The following CDH10 variants were observed in gnomAD, a reference collection of about 807,000 sequenced individuals.
CDH10 encodes cadherin 10, also known as cadherin-10.
CDH10 carries 30 observed loss-of-function variants against 73.1 expected under a neutral mutation model. The observed-to-expected ratio is 0.41, with a 90% confidence interval of 0.31 to 0.56. The LOEUF is 0.56. Among genes scored for constraint, CDH10 ranks in the 20% least tolerant of loss-of-function variants. The probability of loss-of-function intolerance (pLI) is 0.27; values close to 1 mark genes in which losing one functional copy is unlikely to be tolerated. For missense variants in CDH10, 815 were observed against 973.7 expected, an observed-to-expected ratio of 0.84 and a Z score of 2.17; for synonymous variants, 345 against 348.2, an observed-to-expected ratio of 0.99 and a Z score of 0.10.
chr5:24,607,888 A>C (rs570620363), intron 1 of CDH10, among the ~76,000 whole-genome samples: 1 of 152,274 alleles, frequency 6.6e-6, no homozygotes, highest in African/African-American at 2.4e-5. Flanking sequence ...AAACATTATT[A>C]ACTAAGTATT....
chr5:24,498,024 T>C (rs779375928), intron 9 of CDH10, among the ~76,000 whole-genome samples: 4 of 152,188 alleles, frequency 2.6e-5, no homozygotes, highest in Non-Finnish European at 5.9e-5. Context: ...TCTCTTGTTT[T>C]CCACAGCATT....
intron 1 of CDH10, among the ~76,000 whole-genome samples, chr5:24,596,619 G>T (rs919610259): frequency 2.6e-5 from 4 of 151,938 alleles, no homozygotes; most frequent in African/African-American, 9.6e-5. Context: ...TTCAATATCC[G>T]AAACCAGATA....
intron 1 of CDH10, among the ~76,000 whole-genome samples, chr5:24,601,294 T>A (rs1746554574): frequency 6.6e-6 from 1 of 152,114 alleles, no homozygotes. Context: ...AAGGAAACAG[T>A]TTAAGAGTAA....
At chr5:24,633,715 G>C (rs1020164306) in intron 1 of CDH10, among the ~76,000 whole-genome samples, 1 of 151,782 alleles carries the variant, frequency 6.6e-6, no homozygotes, top group African/African-American at 2.4e-5. Flanking sequence ...TGCAGATTTT[G>C]TAAAACATTT....
chr5:24,582,653 G>A (rs1231689498), intron 2 of CDH10, among the ~76,000 whole-genome samples: 1 of 151,962 alleles, frequency 6.6e-6, no homozygotes, highest in East Asian at 1.9e-4. Flanking sequence ...AAACATAAAG[G>A]TCAATTAATA....
intron 2 of CDH10, among the ~76,000 whole-genome samples, chr5:24,554,515 T>TCAC (rs1561159613): frequency 1.3e-4 from 19 of 145,462 alleles, no homozygotes; most frequent in Admixed American, 9.7e-4. Flanking sequence ...TGTGTGTGTG[T>TCAC]GTGTGCACGT....
chr5:24,620,695 G>A (rs1389308535), intron 1 of CDH10, among the ~76,000 whole-genome samples: 1 of 152,072 alleles, frequency 6.6e-6, no homozygotes, highest in Non-Finnish European at 1.5e-5. Context: ...GAATATGCCA[G>A]TTGTATACTA....
At chr5:24,536,854 A>C (rs1014166735) in intron 3 of CDH10, among the ~76,000 whole-genome samples, 6 of 151,948 alleles carry the variant, frequency 3.9e-5, no homozygotes, top group Non-Finnish European at 8.8e-5. Context: ...GTTGAAAGAT[A>C]CCAGCAGAGT....
chr5:24,518,653 C>T (rs145053101), intron 5 of CDH10, among the ~76,000 whole-genome samples: 26 of 152,108 alleles, frequency 1.7e-4, no homozygotes, highest in African/African-American at 6.3e-4. Context: ...GGTTTCCCTG[C>T]CTCCAAGATC....
chr5:24,548,589 T>C (rs1744431403), intron 2 of CDH10, among the ~76,000 whole-genome samples: 2 of 151,916 alleles, frequency 1.3e-5, no homozygotes, highest in Non-Finnish European at 2.9e-5. Context: ...ATTTGTTTAC[T>C]GATTATAAAT....
At chr5:24,584,828 T>C (rs1745934784) in intron 2 of CDH10, among the ~76,000 whole-genome samples, 1 of 151,428 alleles carries the variant, frequency 6.6e-6, no homozygotes, top group Non-Finnish European at 1.5e-5. Flanking sequence ...TGTCTAGTTG[T>C]TCATCATTTC....
intron 2 of CDH10, among the ~76,000 whole-genome samples, chr5:24,546,953 G>A (rs899970039): frequency 1.3e-4 from 20 of 152,130 alleles, no homozygotes; most frequent in African/African-American, 4.6e-4. Flanking sequence ...AGAGCCAGAA[G>A]TTCATAATGA....
At chr5:24,569,377 A>G (rs771925947) in intron 2 of CDH10, among the ~76,000 whole-genome samples, 21 of 152,220 alleles carry the variant, frequency 1.4e-4, no homozygotes, top group Non-Finnish European at 2.8e-4. Context: ...AAAAGTACAT[A>G]TTATGCTGTG....
At chr5:24,609,102 C>T (rs1746857669) in intron 1 of CDH10, among the ~76,000 whole-genome samples, 1 of 152,134 alleles carries the variant, frequency 6.6e-6, no homozygotes, top group African/African-American at 2.4e-5. Flanking sequence ...ATTTTTAAAG[C>T]TTTACTCAAA....
Position 24,511,324 on chromosome 5 carries a change from C to T in CDH10, c.1002+3G>A, listed in dbSNP as rs781536046. 8 of 1,588,488 alleles carry T rather than the reference C, an allele frequency of 5.0e-6. No individual in the cohort carries two copies. The South Asian group carries it at 8.9e-5, about 18-fold the overall frequency. On this transcript the variant is annotated splice_donor_region_variant and intron_variant, in intron 6 of 11. Transcript: ENST00000264463. Reference sequence around the variant, plus strand: ...GATGCTTATTTATATGGATGCTGTGCACCTTTTTCACAGTGATGATGCCTT... The same window carrying T: ...GATGCTTATTTATATGGATGCTGTGTACCTTTTTCACAGTGATGATGCCTT...
chr5:24,628,140 C>T (rs1747572859), intron 1 of CDH10, among the ~76,000 whole-genome samples: 1 of 152,112 alleles, frequency 6.6e-6, no homozygotes, highest in Non-Finnish European at 1.5e-5. Flanking sequence ...CCCCTGGTTA[C>T]ACAGATGAGC....
intron 1 of CDH10, among the ~76,000 whole-genome samples, chr5:24,599,797 G>A (rs1323489217): frequency 6.6e-6 from 1 of 152,060 alleles, no homozygotes; most frequent in Non-Finnish European, 1.5e-5. Context: ...TTGTGAGATA[G>A]TCAAGGTTAA....
At chr5:24,573,430 G>C (rs1156501591) in intron 2 of CDH10, among the ~76,000 whole-genome samples, 3 of 151,912 alleles carry the variant, frequency 2.0e-5, no homozygotes, top group Non-Finnish European at 2.9e-5. Flanking sequence ...GGCCGGGCGC[G>C]GTGGCTCACG....
chr5:24,626,525 T>G (rs183408142), intron 1 of CDH10, among the ~76,000 whole-genome samples: 222 of 152,148 alleles, frequency 1.5e-3, no homozygotes, highest in Non-Finnish European at 2.4e-3. Flanking sequence ...CACATGAAAG[T>G]TTTCCAAAGT....
Sources: allele counts gnomAD v4.1 joint callset (sites outside exome capture counted in the v4.1 genomes callset), GRCh38; gene constraint gnomAD v4.1.1; transcripts MANE v1.5; gene names NCBI Gene and HGNC (gene_info 2026-07-23, HGNC 2026-07-21).